Variants in SLC12A3 observed in about 807,000 individuals in gnomAD.
The protein encoded by SLC12A3 is solute carrier family 12 member 3.
SLC12A3 carries 104 observed loss-of-function variants against 121.0 expected under a neutral mutation model. The observed-to-expected ratio is 0.86, with a 90% confidence interval of 0.73 to 1.01. SLC12A3 has a LOEUF of 1.01. Ranked by LOEUF, SLC12A3 falls within the 50% of genes least tolerant of loss-of-function variation. The probability of loss-of-function intolerance (pLI) is 0.00; values close to 1 mark genes in which losing one functional copy is unlikely to be tolerated. For missense variants in SLC12A3, 1,328 were observed against 1,356.3 expected (o/e 0.98, Z 0.33); for synonymous variants, 536 against 533.4 (o/e 1.00, Z -0.07).
At chr16:56,884,268 C>T in intron 14 of SLC12A3, 64 bp downstream of exon 14, 1 of 1,553,058 alleles carries the variant, frequency 6.4e-7, no homozygotes, top group Non-Finnish European at 8.9e-7. Flanking sequence ...GGCGGCCCTG[C>T]CCTCCGCCCC....
chr16:56,872,661 A>AT lies in SLC12A3; in HGVS notation c.975dup (p.Val326CysfsTer7). 3.1e-6 allele frequency: 5 copies of AT among 1,614,252 alleles called. No individual in the cohort carries two copies. Among genetic ancestry groups the AT allele is most frequent in the Non-Finnish European group, 4.2e-6 (5 of 1,180,040 alleles). On this transcript the variant is annotated frameshift_variant, in exon 8 of 26. Transcript: ENST00000563236. LOFTEE classifies it high-confidence loss of function. ...ATCAGGCCTTGCTTTTCCAGCGGACATTTTTGTCCAGAACTTGGTGCCTGA... is the reference window on the plus strand; with the variant it reads ...ATCAGGCCTTGCTTTTCCAGCGGACATTTTTTGTCCAGAACTTGGTGCCTGA...
At chr16:56,898,565 T>C (rs2055496456) in intron 22 of SLC12A3, among the ~76,000 whole-genome samples, 1 of 152,106 alleles carries the variant, frequency 6.6e-6, no homozygotes, top group Non-Finnish European at 1.5e-5. Context: ...GCCAGGTGTA[T>C]TGTTTTGAAG....
At chr16:56,875,308 C>A (rs1331682851) in intron 8 of SLC12A3, among the ~76,000 whole-genome samples, 1 of 152,154 alleles carries the variant, frequency 6.6e-6, no homozygotes, top group African/African-American at 2.4e-5. Flanking sequence ...TTCCCCAATT[C>A]TAAAATGGGA....
chr16:56,872,898 A>G, intron 8 of SLC12A3, 112 bp downstream of exon 8: 1 of 1,405,878 alleles, frequency 7.1e-7, no homozygotes, highest in Non-Finnish European at 9.9e-7. Flanking sequence ...CAGGGCTTCT[A>G]AAATCCAGTC....
chr16:56,895,560 A>G (rs2055451286), intron 22 of SLC12A3, among the ~76,000 whole-genome samples: 1 of 151,256 alleles, frequency 6.6e-6, no homozygotes, highest in South Asian at 2.1e-4. Context: ...TTTTTGAAAA[A>G]AGGAAATGAA....
chr16:56,901,771 T>C (rs2055542291), intron 23 of SLC12A3, among the ~76,000 whole-genome samples: 1 of 152,124 alleles, frequency 6.6e-6, no homozygotes, highest in African/African-American at 2.4e-5. Context: ...TGTCCTCACC[T>C]CCTCCCACCC....
At chr16:56,900,925 A>G (rs753224824) in intron 23 of SLC12A3, among the ~76,000 whole-genome samples, 26 of 152,032 alleles carry the variant, frequency 1.7e-4, no homozygotes, top group Non-Finnish European at 3.5e-4. Flanking sequence ...AGACTTCAAG[A>G]TGTTTGCACT....
In SLC12A3 at chr16:56,915,167, C is replaced by T. The variant is rs1216338428; in HGVS notation, c.*1762C>T. The T allele has an allele frequency of 2.6e-5, 4 of 152,204 alleles. No individual in the cohort carries two copies. Among genetic ancestry groups the T allele is most frequent in the Non-Finnish European group, 5.9e-5 (4 of 68,058 alleles). The allele number at this position is 152,204 out of a possible 1,614,324, so 9.4% of individuals were successfully genotyped here. ...TGCAGCTCTAGACATAACCAAGAAGCGTAAAGGTGAGTTGTTTGGTGGTAC... is the reference window on the plus strand; with the variant it reads ...TGCAGCTCTAGACATAACCAAGAAGTGTAAAGGTGAGTTGTTTGGTGGTAC... On this transcript the variant is annotated 3_prime_UTR_variant, in exon 26 of 26. Coordinates refer to ENST00000563236, the MANE Select transcript of SLC12A3 (RefSeq NM_001126108.2).
chr16:56,912,019 C>A (rs1037301069), intron 25 of SLC12A3, among the ~76,000 whole-genome samples: 48 of 152,254 alleles, frequency 3.2e-4, no homozygotes, highest in African/African-American at 1.0e-3. Flanking sequence ...AGTGGCAAAG[C>A]CACGACTCGG....
intron 18 of SLC12A3, 26 bp from the exon 19 acceptor site, chr16:56,890,248 C>A: frequency 6.3e-7 from 1 of 1,594,684 alleles, no homozygotes; most frequent in Middle Eastern, 1.7e-4. Flanking sequence ...GGGGGAGAAG[C>A]TGGACCTCAC....
In SLC12A3 at chr16:56,906,466, C is replaced by T. The variant is rs145597994; in HGVS notation, c.2924+2004C>T. ...GAGACCTGACCTGGAGGTTTCTGGA[C>T]CTCCAGTCTGTCTTAAGATGTCCAT... On this transcript the variant is annotated intron_variant, in intron 25 of 25. Transcript: ENST00000563236. 2.6e-3 allele frequency: 423 copies of T among 160,150 alleles called. 2 individuals are homozygous for T. Among genetic ancestry groups the T allele is most frequent in the African/African-American group, 9.2e-3 (385 of 41,674 alleles). The allele number at this position is 160,150 out of a possible 1,614,324, so 9.9% of individuals were successfully genotyped here.
intron 2 of SLC12A3, among the ~76,000 whole-genome samples, chr16:56,867,650 G>A (rs1168756221): frequency 6.6e-6 from 1 of 152,140 alleles, no homozygotes; most frequent in Non-Finnish European, 1.5e-5. Context: ...TGATCTTAAC[G>A]CTGCCAACTG....
At chr16:56,872,992 G>C (rs1398591157) in intron 8 of SLC12A3, among the ~76,000 whole-genome samples, 2 of 152,212 alleles carry the variant, frequency 1.3e-5, no homozygotes, top group Non-Finnish European at 2.9e-5. Flanking sequence ...TGCGTTCTAG[G>C]CTTGAGGGAC....
At position 56,879,749 on chromosome 16, in the gene SLC12A3, G is replaced by GT. The variant is rs1663124114; in HGVS notation, c.1443+101dup. On this transcript the variant is annotated intron_variant, in intron 11 of 25. Transcript: ENST00000563236. The stretch of plus-strand genomic sequence containing the variant: ...GGGTGACTGCTACAAACACCTGAAG[G>GT]TGTCATTAGACTGGGGTCTCTAGCC... The GT allele has an allele frequency of 2.0e-5, 17 of 857,472 alleles. 1 individual carries two copies. The East Asian group carries it at 4.3e-4, about 22-fold the overall frequency. The allele number at this position is 857,472 out of a possible 1,614,324, so 53.1% of individuals were successfully genotyped here. A position where few individuals can be genotyped will look rare whatever the true frequency, so the allele number is the denominator to read the frequency against.
rs2144766684 is a variant in SLC12A3 at position 56,902,398 on chromosome 16, G to T, written c.2746G>T (p.Ala916Ser). Residue 916 changes from alanine to serine, a missense_variant, in exon 24 of 26, where the codon GCA becomes TCA. Coordinates refer to ENST00000563236, the MANE Select transcript of SLC12A3 (RefSeq NM_001126108.2). ...CACCAAGAGGTTTGAGGACATGATTGCACCCTTCCGTCTGAATGATGGCTT... is the reference window on the plus strand; with the variant it reads ...CACCAAGAGGTTTGAGGACATGATTTCACCCTTCCGTCTGAATGATGGCTT... ...EHTKRFEDMI[A>S]PFRLNDGFKD... 1 of 1,614,032 alleles carries T rather than the reference G, an allele frequency of 6.2e-7. No individual in the cohort carries two copies.
intron 25 of SLC12A3, 170 bp downstream of exon 25, chr16:56,904,632 C>A (rs2055583569): frequency 1.7e-5 from 11 of 659,214 alleles, no homozygotes; most frequent in Non-Finnish European, 2.2e-5. Context: ...TGTGGCTGGG[C>A]CTGAGCCCGC....
intron 8 of SLC12A3, among the ~76,000 whole-genome samples, chr16:56,873,958 C>T (rs1427323941): frequency 2.0e-5 from 3 of 152,086 alleles, no homozygotes; most frequent in African/African-American, 4.8e-5. Context: ...GTGATCCACC[C>T]GATTTGTCTT....
chr16:56,877,837 C>T (rs1472543872), intron 8 of SLC12A3, among the ~76,000 whole-genome samples: 7 of 152,228 alleles, frequency 4.6e-5, no homozygotes, highest in Admixed American at 1.3e-4. Flanking sequence ...TGGGTGGAGT[C>T]TCCGACCCGT....
At chr16:56,902,348 C>A (rs773527231) in intron 23 of SLC12A3, 25 bp from the exon 24 acceptor site, 2 of 1,614,036 alleles carry the variant, frequency 1.2e-6, no homozygotes, top group East Asian at 4.5e-5. Context: ...TCTCAGCCGG[C>A]CTCAACCCAC....
Sources: allele counts gnomAD v4.1 joint callset (sites outside exome capture counted in the v4.1 genomes callset), GRCh38; gene constraint gnomAD v4.1.1; transcripts MANE v1.5; gene names NCBI Gene and HGNC (gene_info 2026-07-23, HGNC 2026-07-21).